Variants in TENT2 observed in about 807,000 individuals in gnomAD.
TENT2 encodes terminal nucleotidyltransferase 2.
A neutral mutation model predicts 72.2 loss-of-function variants in TENT2; 44 were observed. That is an observed-to-expected ratio of 0.61 (90% CI 0.48 to 0.78). The LOEUF is 0.78. TENT2 is among the 30% of genes least tolerant of loss of function. The probability of loss-of-function intolerance (pLI) is 0.00; values close to 1 mark genes in which losing one functional copy is unlikely to be tolerated. For synonymous variants in TENT2, 212 were observed against 192.5 expected, an observed-to-expected ratio of 1.10 and a Z score of -0.84; for missense variants, 541 against 569.6, an observed-to-expected ratio of 0.95 and a Z score of 0.51.
chr5:79,636,338 A>G (rs978314883), intron 4 of TENT2, among the ~76,000 whole-genome samples: 3 of 152,110 alleles, frequency 2.0e-5, no homozygotes, highest in African/African-American at 7.2e-5. Flanking sequence ...GACTAATCTT[A>G]TTTCACCTTT....
At chr5:79,640,709 G>A in intron 4 of TENT2, 142 bp from the exon 5 acceptor site, 2 of 500,180 alleles carry the variant, frequency 4.0e-6, no homozygotes, top group Middle Eastern at 5.3e-4. Flanking sequence ...AGTAATAGTA[G>A]CTTTGTTTTG....
intron 5 of TENT2, 68 bp downstream of exon 5, chr5:79,641,033 T>G: frequency 6.7e-7 from 1 of 1,489,326 alleles, no homozygotes; most frequent in Non-Finnish European, 9.1e-7. Flanking sequence ...TCTTTTTTTT[T>G]TTTAATAGGC....
chr5:79,648,506 C>T lies in TENT2; in HGVS notation c.822-111C>T, dbSNP rs536385931. 218 of 699,482 alleles carry T rather than the reference C, an allele frequency of 3.1e-4. No homozygotes were observed. The African/African-American group carries it at 3.5e-3, about 11-fold the overall frequency. The allele number at this position is 699,482 out of a possible 1,614,324, so 43.3% of individuals were successfully genotyped here. A position where few individuals can be genotyped will look rare whatever the true frequency, so the allele number is the denominator to read the frequency against. ...AAAACACAGATCTATGGCCTTTGGG[C>T]CCATACTATTTTGCATCATGGGATG... On this transcript the variant is annotated intron_variant, in intron 8 of 14. Transcript: ENST00000453514.
chr5:79,637,110 T>G (rs751945398), intron 4 of TENT2, among the ~76,000 whole-genome samples: 4 of 152,142 alleles, frequency 2.6e-5, no homozygotes, highest in Non-Finnish European at 4.4e-5. Context: ...GCTGCACACC[T>G]TTAGTCCCAG....
At chr5:79,637,416 C>T (rs1780989688) in intron 4 of TENT2, among the ~76,000 whole-genome samples, 1 of 151,756 alleles carries the variant, frequency 6.6e-6, no homozygotes, top group African/African-American at 2.4e-5. Flanking sequence ...TTCTGTACTA[C>T]TTTCATTTTA....
Position 79,645,190 on chromosome 5 carries a change from C to G in TENT2, c.819C>G (p.Val273=). Residue 273 remains valine, a splice_region_variant and synonymous_variant, in exon 8 of 15, where the codon GTC becomes GTG. Transcript: ENST00000453514. ...KVPIVKFRDK[V]SCVEFDLNVN... ...CAATTGTGAAGTTCAGGGATAAAGT[C>G]AGGTAAATAATTAATGAGCTTTCTT... The G allele has an allele frequency of 6.2e-7, 1 of 1,604,128 alleles. No individual in the cohort carries two copies. The highest frequency in any genetic ancestry group is 1.1e-5 in the South Asian group (1 of 89,210).
chr5:79,649,159 T>G lies in TENT2; in HGVS notation c.996T>G (p.Ser332Arg). The change falls in exon 10 of 15, where the codon AGT becomes AGG. Residue 332 changes from serine to arginine, a missense_variant. Physicochemically the swap from Ser to Arg is moderately radical, Grantham distance 110. Coordinates refer to ENST00000453514, the MANE Select transcript of TENT2 (RefSeq NM_001114394.3). ...DASRGTLSSY[S>R]LVLMVLHYLQ... ...GTCGTGGTACTTTAAGCAGCTATAG[T>G]CTTGTATTGATGGTTTTGCACTATT... The G allele has an allele frequency of 6.2e-7, 1 of 1,613,478 alleles. No homozygotes were observed. The highest frequency in any genetic ancestry group is 8.5e-7 in the Non-Finnish European group (1 of 1,179,674).
intron 14 of TENT2, among the ~76,000 whole-genome samples, chr5:79,682,406 G>C (rs1485783626): frequency 1.3e-5 from 2 of 151,464 alleles, no homozygotes; most frequent in Non-Finnish European, 2.9e-5. Flanking sequence ...CAGCCTCCCA[G>C]ATAGCTTGGA....
At chr5:79,660,757 T>C (rs1018497743) in intron 11 of TENT2, among the ~76,000 whole-genome samples, 1 of 152,202 alleles carries the variant, frequency 6.6e-6, no homozygotes, top group African/African-American at 2.4e-5. Flanking sequence ...GTGTACTCTT[T>C]ATGCTTATTT....
Position 79,649,171 on chromosome 5 carries a change from G to A in TENT2, c.1008G>A (p.Met336Ile). The change falls in exon 10 of 15, where the codon ATG becomes ATA. Residue 336 changes from methionine to isoleucine, a missense_variant. Met to Ile is a conservative substitution (Grantham distance 10). Coordinates refer to ENST00000453514, the MANE Select transcript of TENT2 (RefSeq NM_001114394.3). Reference sequence around the variant, plus strand: ...TAAGCAGCTATAGTCTTGTATTGATGGTTTTGCACTATTTACAAAGTAAGT... The same window carrying A: ...TAAGCAGCTATAGTCTTGTATTGATAGTTTTGCACTATTTACAAAGTAAGT... ...GTLSSYSLVLMVLHYLQTLPE... is the reference protein window; with the variant it reads ...GTLSSYSLVLIVLHYLQTLPE... 6.2e-7 allele frequency: 1 copy of A among 1,612,900 alleles called. No homozygotes were observed.
chr5:79,661,986 C>T (rs1044876948), intron 11 of TENT2, among the ~76,000 whole-genome samples: 2 of 152,160 alleles, frequency 1.3e-5, no homozygotes, highest in African/African-American at 4.8e-5. Context: ...GAAATATTAT[C>T]CCTCTTTCAC....
intron 4 of TENT2, among the ~76,000 whole-genome samples, chr5:79,634,573 A>G (rs1332834695): frequency 6.6e-6 from 1 of 152,096 alleles, no homozygotes; most frequent in Admixed American, 6.5e-5. Flanking sequence ...TCCTGACCTC[A>G]AGTGATCTGC....
At chr5:79,683,313 T>TCA (rs111701863) in intron 14 of TENT2, among the ~76,000 whole-genome samples, 8,350 of 145,666 alleles carry the variant, frequency 0.057, 253 homozygotes, top group Admixed American at 0.1. Context: ...ACGCACATGC[T>TCA]CACACACACA....
chr5:79,684,529 T>G (rs1231884105), intron 14 of TENT2, among the ~76,000 whole-genome samples: 2 of 152,210 alleles, frequency 1.3e-5, no homozygotes, highest in African/African-American at 4.8e-5. Flanking sequence ...ATTCTGGAAT[T>G]ATAGGCATGA....
chr5:79,655,681 C>T (rs1045946944), intron 10 of TENT2, among the ~76,000 whole-genome samples: 20 of 151,158 alleles, frequency 1.3e-4, no homozygotes, highest in African/African-American at 4.8e-4. Context: ...ATTTGAATGC[C>T]TCTTAGGGGA....
In TENT2 at chr5:79,653,535, A is replaced by G. The variant is rs190515401; in HGVS notation, c.1028-3423A>G. ...ACATTGCTATTTTGCCAGTCTGATC[A>G]AATCATATTAAAATTTAGTTTAGAC... On this transcript the variant is annotated intron_variant, in intron 10 of 14. Transcript: ENST00000453514. Among the ~76,000 whole-genome samples, 554 of 152,298 alleles carry G rather than the reference A, an allele frequency of 3.6e-3. 2 individuals carry two copies. Among genetic ancestry groups the G allele is most frequent in the South Asian group, 6.6e-3 (32 of 4,830 alleles).
intron 10 of TENT2, among the ~76,000 whole-genome samples, chr5:79,653,650 T>G (rs1374334573): frequency 2.6e-5 from 4 of 152,138 alleles, no homozygotes; most frequent in Non-Finnish European, 4.4e-5. Flanking sequence ...TCCTAGGTCT[T>G]TCTTGAAGGA....
At chr5:79,653,258 G>A (rs890955085) in intron 10 of TENT2, among the ~76,000 whole-genome samples, 1 of 152,150 alleles carries the variant, frequency 6.6e-6, no homozygotes, top group Non-Finnish European at 1.5e-5. Context: ...GCAGAGGTGG[G>A]AGGATTGCTT....
chr5:79,656,807 G>A, intron 10 of TENT2, 151 bp from the exon 11 acceptor site: 2 of 525,252 alleles, frequency 3.8e-6, no homozygotes, highest in Non-Finnish European at 6.7e-6. Flanking sequence ...TACAAACTTA[G>A]GGATAAGAAT....
Sources: gnomAD v4.1 joint callset for allele counts (sites outside exome capture counted in the v4.1 genomes callset) on GRCh38, gnomAD v4.1.1 for gene constraint, MANE v1.5 for transcripts, NCBI Gene and HGNC (gene_info 2026-07-23, HGNC 2026-07-21) for gene names.